The following CFAP99 variants were observed in gnomAD, a reference collection of about 807,000 sequenced individuals.
CFAP99 encodes cilia and flagella associated protein 99, also known as cilia- and flagella-associated protein 99.
A neutral mutation model predicts 82.7 loss-of-function variants in CFAP99; 84 were observed. The observed-to-expected ratio is 1.02, with a 90% CI of 0.85 to 1.22. CFAP99 has a LOEUF of 1.22. Among genes scored for constraint, CFAP99 ranks in the 50% most tolerant of loss-of-function variants. CFAP99 has a pLI of 0.00. For synonymous variants in CFAP99, 456 were observed against 429.5 expected, an observed-to-expected ratio of 1.06 and a Z score of -0.76; for missense variants, 1,059 against 983.5, an observed-to-expected ratio of 1.08 and a Z score of -1.03.
chr4:2,423,981 G>A (rs566450016), intron 1 of CFAP99, among the ~76,000 whole-genome samples: 3 of 152,250 alleles, frequency 2.0e-5, no homozygotes, highest in South Asian at 4.1e-4. Flanking sequence ...TGTTCTGGGA[G>A]GCCTGGTCTC....
At chr4:2,449,812 G>A (rs1734259483) in intron 7 of CFAP99, 62 bp downstream of exon 7, 2 of 1,531,464 alleles carry the variant, frequency 1.3e-6, no homozygotes, top group Non-Finnish European at 1.8e-6. Flanking sequence ...TGAAGGGAAG[G>A]TGGGGTGGGG....
intron 1 of CFAP99, among the ~76,000 whole-genome samples, chr4:2,425,834 C>G (rs1733671021): frequency 6.6e-6 from 1 of 152,130 alleles, no homozygotes; most frequent in Non-Finnish European, 1.5e-5. Flanking sequence ...AGCCTGTCCC[C>G]TGGAACTGCT....
chr4:2,452,251 C>T lies in CFAP99; in HGVS notation c.1066C>T (p.Arg356Trp), dbSNP rs1414033792. 1.3e-5 allele frequency: 20 copies of T among 1,535,916 alleles called. No individual in the cohort carries two copies. The highest frequency in any genetic ancestry group is 1.7e-4 in the Middle Eastern group (1 of 5,996). The change falls in exon 11 of 15, where the codon CGG becomes TGG. Residue 356 changes from arginine (R) to tryptophan (W), a missense_variant. Physicochemically the swap from Arg to Trp is moderately radical, Grantham distance 101. Transcript: ENST00000635017. ...GCAGCTGGCTGCAAGCGAGTGCCGG[C>T]GGTTGCAAGGGAAGCTTAGCCATGA... is the stretch of plus-strand genomic sequence containing the variant.
At chr4:2,438,195 C>T (rs1560381494) in intron 4 of CFAP99, 31 bp downstream of exon 4, 14 of 1,315,624 alleles carry the variant, frequency 1.1e-5, no homozygotes, top group Non-Finnish European at 1.5e-5. Flanking sequence ...CACCAGGCCA[C>T]GAGGCCCACG....
chr4:2,438,196 G>A (rs747678756), intron 4 of CFAP99, 32 bp downstream of exon 4: 13 of 1,304,614 alleles, frequency 1.0e-5, no homozygotes, highest in Middle Eastern at 1.8e-4. Context: ...ACCAGGCCAC[G>A]AGGCCCACGG....
intron 14 of CFAP99, among the ~76,000 whole-genome samples, chr4:2,461,393 A>C (rs1734617530): frequency 1.3e-5 from 2 of 152,208 alleles, no homozygotes; most frequent in Non-Finnish European, 2.9e-5. Flanking sequence ...GGAAGGACTA[A>C]TCATTGCTGA....
rs1734643467 is a variant in CFAP99, at chr4:2,462,466, C to T, written c.1685C>T (p.Ala562Val). Residue 562 changes from alanine to valine, a missense_variant, in exon 15 of 15, where the codon GCG (alanine) becomes GTG (valine). Coordinates refer to ENST00000635017, the Ensembl canonical transcript of CFAP99. This position sits in a 1 kb window ranked among gnomAD's most constrained non-coding sequence, Gnocchi z 4.1. ...AGGTGGGAGGAAAAGAAGGCCCTTG[C>T]GGCGGCCCCGGCGGCGCCCTCGCAG... 15 of 1,465,912 alleles carry T rather than the reference C, an allele frequency of 1.0e-5. No homozygotes were observed. The highest frequency in any genetic ancestry group is 1.3e-5 in the Non-Finnish European group (15 of 1,118,900). 90.8% of individuals were successfully genotyped at this position (1,465,912 alleles called of 1,614,324 possible).
At chr4:2,460,386 C>T in intron 14 of CFAP99, 144 bp downstream of exon 14, 1 of 707,350 alleles carries the variant, frequency 1.4e-6, no homozygotes, top group Non-Finnish European at 2.4e-6. Flanking sequence ...CCCCTGACCC[C>T]TATTATTGTA....
At chr4:2,437,730 C>A (rs1733948489) in intron 3 of CFAP99, among the ~76,000 whole-genome samples, 1 of 152,176 alleles carries the variant, frequency 6.6e-6, no homozygotes, top group Non-Finnish European at 1.5e-5. Context: ...AACTCGGGCC[C>A]AGGTTTATTC....
At chr4:2,430,863 A>G (rs988597257) in intron 2 of CFAP99, among the ~76,000 whole-genome samples, 5 of 150,224 alleles carry the variant, frequency 3.3e-5, no homozygotes, top group Admixed American at 2.0e-4. Context: ...GCTTGAGGCC[A>G]GGAGTTTGAG....
exon 11 of CFAP99, chr4:2,452,279 A>AGGC (rs1347469263): frequency 1.2e-5 from 18 of 1,535,630 alleles, no homozygotes; most frequent in Non-Finnish European, 1.6e-5. Flanking sequence ...AGCCATGAGG[A>AGGC]GGCCGTCCTA....
In CFAP99 at chr4:2,462,925, G is replaced by A. The variant is rs1267726369; in HGVS notation, c.2144G>A (p.Ter715=). 1 of 1,285,952 alleles carries A rather than the reference G, an allele frequency of 7.8e-7. No individual in the cohort carries two copies. The highest frequency in any genetic ancestry group is 9.8e-7 in the Non-Finnish European group (1 of 1,021,984). 79.7% of individuals were successfully genotyped at this position (1,285,952 alleles called of 1,614,324 possible). The change falls in exon 15 of 15, where the codon TGA becomes TAA. Residue 715 remains the stop codon, a stop_retained_variant. Transcript: ENST00000635017. This position sits in a 1 kb window ranked among gnomAD's most constrained non-coding sequence, Gnocchi z 4.1. ...CCCGCGCGCCGCCTGGAGGCCGCCT[G>A]AGCCGGGCCGAGCGCGCCCCACCCG...
chr4:2,442,827 C>T (rs1322993512), intron 4 of CFAP99, among the ~76,000 whole-genome samples: 4 of 152,056 alleles, frequency 2.6e-5, no homozygotes, highest in South Asian at 4.1e-4. Context: ...ATCAGAGTTC[C>T]GTGGTGACAG....
At chr4:2,429,724 T>C (rs1331980342) in intron 2 of CFAP99, among the ~76,000 whole-genome samples, 1 of 152,098 alleles carries the variant, frequency 6.6e-6, no homozygotes, top group Non-Finnish European at 1.5e-5. Flanking sequence ...CCCGAGTAGC[T>C]GGGACTACAG....
intron 1 of CFAP99, among the ~76,000 whole-genome samples, chr4:2,422,961 C>T (rs1733613372): frequency 6.6e-6 from 1 of 152,214 alleles, no homozygotes; most frequent in Admixed American, 6.5e-5. Context: ...CGTGCCACCA[C>T]ACCTGAGTCA....
intron 11 of CFAP99, among the ~76,000 whole-genome samples, chr4:2,455,177 G>T (rs769150708): frequency 6.6e-6 from 1 of 152,282 alleles, no homozygotes; most frequent in Non-Finnish European, 1.5e-5. Flanking sequence ...TGGGATTACG[G>T]AAATGCGCCT....
chr4:2,427,423 G>A (rs1226103399), intron 2 of CFAP99: 1 of 152,708 alleles, frequency 6.5e-6, no homozygotes, highest in Admixed American at 6.5e-5. Context: ...TCCAGAGGAA[G>A]CTGAGCCCAC....
intron 4 of CFAP99, 52 bp downstream of exon 4, chr4:2,438,216 G>T (rs1417959727): frequency 6.8e-6 from 7 of 1,022,900 alleles, no homozygotes; most frequent in Non-Finnish European, 1.0e-5. Context: ...GGTGAGGTCC[G>T]TCTGATCCTC....
chr4:2,421,494 C>T (rs905614262), intron 1 of CFAP99, among the ~76,000 whole-genome samples: 2 of 151,556 alleles, frequency 1.3e-5, no homozygotes, highest in Admixed American at 6.6e-5. Flanking sequence ...GCTGGTATTA[C>T]AGGCACCTGC....
Sources: allele counts gnomAD v4.1 joint callset (sites outside exome capture counted in the v4.1 genomes callset), GRCh38; gene constraint gnomAD v4.1.1; non-coding constraint Gnocchi (gnomAD v3.1); transcripts MANE v1.5; gene names NCBI Gene and HGNC (gene_info 2026-07-23, HGNC 2026-07-21).